Variants in TSPAN5 observed in about 807,000 individuals in gnomAD.
TSPAN5 encodes tetraspanin 5, also known as tetraspanin-5.
TSPAN5 carries 10 observed loss-of-function variants against 37.1 expected under a neutral mutation model. The observed-to-expected ratio is 0.27, with a 90% CI of 0.17 to 0.46. The LOEUF (loss-of-function observed/expected upper bound fraction) is 0.46. Ranked by LOEUF, TSPAN5 falls within the 20% of genes least tolerant of loss-of-function variation. The pLI, the probability that TSPAN5 is intolerant of heterozygous loss-of-function variation, is 1.00. For missense variants in TSPAN5, 195 were observed against 326.6 expected, an observed-to-expected ratio of 0.60 and a Z score of 3.11; for synonymous variants, 110 against 118.9, an observed-to-expected ratio of 0.93 and a Z score of 0.48.
intron 1 of TSPAN5, among the ~76,000 whole-genome samples, chr4:98,587,614 G>A (rs900086081): frequency 1.2e-4 from 18 of 152,204 alleles, no homozygotes; most frequent in African/African-American, 4.3e-4. Context: ...TGCTGGCCGG[G>A]CGCAGTGGCT....
chr4:98,647,587 A>G (rs1276609858), intron 1 of TSPAN5, among the ~76,000 whole-genome samples: 1 of 152,232 alleles, frequency 6.6e-6, no homozygotes, highest in Non-Finnish European at 1.5e-5. Context: ...TCTAATACTT[A>G]TCAAAATAGT....
intron 1 of TSPAN5, among the ~76,000 whole-genome samples, chr4:98,560,475 T>C (rs1578993106): frequency 6.6e-6 from 1 of 152,204 alleles, no homozygotes. Context: ...TTGAATGAGA[T>C]TGAAGAGACT....
intron 1 of TSPAN5, among the ~76,000 whole-genome samples, chr4:98,613,397 A>G (rs1756247381): frequency 6.6e-6 from 1 of 151,958 alleles, no homozygotes; most frequent in African/African-American, 2.4e-5. Context: ...TTATTGTAAT[A>G]AAACCTACCC....
At chr4:98,658,065 A>G in intron 1 of TSPAN5, 81 bp downstream of exon 1, 1 of 1,294,922 alleles carries the variant, frequency 7.7e-7, no homozygotes. Context: ...TGCGAAAAGT[A>G]AAGGCAACGA....
At chr4:98,570,704 A>T (rs1281056599) in intron 1 of TSPAN5, among the ~76,000 whole-genome samples, 1 of 152,168 alleles carries the variant, frequency 6.6e-6, no homozygotes, top group African/African-American at 2.4e-5. Context: ...GATGGACTCA[A>T]GAAAGTATCC....
intron 1 of TSPAN5, among the ~76,000 whole-genome samples, chr4:98,643,689 G>T (rs1427106514): frequency 1.3e-5 from 2 of 152,102 alleles, no homozygotes; most frequent in Non-Finnish European, 2.9e-5. Context: ...GAATATTAGG[G>T]ATTATTAATC....
rs1041837584 is a variant in TSPAN5, at chr4:98,562,499, A to G, written c.82-54771T>C. Among the ~76,000 whole-genome samples the G allele has an allele frequency of 1.3e-5, 2 of 152,126 alleles. 1 individual carries two copies. Among genetic ancestry groups the G allele is most frequent in the Admixed American group, 1.3e-4 (2 of 15,278 alleles). On this transcript the variant is annotated intron_variant, in intron 1 of 7. Coordinates refer to ENST00000305798, the MANE Select transcript of TSPAN5 (RefSeq NM_005723.4). Reference sequence around the variant, plus strand: ...AACATGGTGAAACCCCATCTCTACTAAAAATACAAAAATTAGTTGGGCGTG... The same window carrying G: ...AACATGGTGAAACCCCATCTCTACTGAAAATACAAAAATTAGTTGGGCGTG...
At chr4:98,497,330 A>G (rs1054294411) in intron 2 of TSPAN5, among the ~76,000 whole-genome samples, 1 of 151,554 alleles carries the variant, frequency 6.6e-6, no homozygotes, top group Admixed American at 6.6e-5. Flanking sequence ...AAAAAAAAAA[A>G]AAAAAGAAAA....
At chr4:98,549,292 GTTT>G (rs758599322) in intron 1 of TSPAN5, among the ~76,000 whole-genome samples, 13,033 of 146,362 alleles carry the variant, frequency 0.089, 1,091 homozygotes, top group African/African-American at 0.22. Context: ...TTGTTTGTTT[GTTT>G]GTTTTTGTTT....
chr4:98,604,523 G>T (rs1006232836), intron 1 of TSPAN5, among the ~76,000 whole-genome samples: 2 of 152,156 alleles, frequency 1.3e-5, no homozygotes, highest in South Asian at 4.1e-4. Flanking sequence ...TGTATTAATG[G>T]GAACAAGGCA....
chr4:98,561,119 T>C (rs913817764), intron 1 of TSPAN5, among the ~76,000 whole-genome samples: 7 of 152,178 alleles, frequency 4.6e-5, no homozygotes, highest in African/African-American at 1.7e-4. Context: ...GTGAGAGAAG[T>C]GGTAGGTGTC....
intron 1 of TSPAN5, among the ~76,000 whole-genome samples, chr4:98,631,391 C>T (rs1756743862): frequency 6.6e-6 from 1 of 152,194 alleles, no homozygotes; most frequent in African/African-American, 2.4e-5. Flanking sequence ...GCCTTCACTG[C>T]ACATGTTCCA....
At chr4:98,482,572 A>T (rs929042567) in intron 3 of TSPAN5, 3 of 161,988 alleles carry the variant, frequency 1.9e-5, no homozygotes, top group African/African-American at 7.2e-5. Context: ...AGATTATTCC[A>T]ATATTTTAAG....
intron 1 of TSPAN5, among the ~76,000 whole-genome samples, chr4:98,557,442 T>C (rs1192244679): frequency 2.0e-5 from 3 of 152,216 alleles, no homozygotes; most frequent in African/African-American, 4.8e-5. Context: ...GCTGTTTTTT[T>C]CCCTTAGGTA....
At chr4:98,575,448 C>A (rs1755212448) in intron 1 of TSPAN5, among the ~76,000 whole-genome samples, 1 of 150,788 alleles carries the variant, frequency 6.6e-6, no homozygotes, top group Admixed American at 6.6e-5. Flanking sequence ...CTAAGCTCTT[C>A]AATACACATA....
chr4:98,576,505 C>T (rs746571967), intron 1 of TSPAN5, among the ~76,000 whole-genome samples: 4 of 151,942 alleles, frequency 2.6e-5, no homozygotes, highest in African/African-American at 4.8e-5. Context: ...TTTGGGAGGT[C>T]GAGATGGGAG....
intron 1 of TSPAN5, among the ~76,000 whole-genome samples, chr4:98,532,970 T>G (rs1456687984): frequency 6.6e-6 from 1 of 152,244 alleles, no homozygotes; most frequent in Non-Finnish European, 1.5e-5. Flanking sequence ...TCACTGGTTC[T>G]GTTTATGTGA....
intron 7 of TSPAN5, 132 bp from the exon 8 acceptor site, chr4:98,472,719 T>C: frequency 1.4e-6 from 1 of 716,392 alleles, no homozygotes; most frequent in South Asian, 1.8e-5. Flanking sequence ...AAAGCATCCT[T>C]GAAATGTGTA....
intron 1 of TSPAN5, among the ~76,000 whole-genome samples, chr4:98,539,574 T>G (rs764202934): frequency 8.5e-5 from 13 of 152,184 alleles, no homozygotes; most frequent in African/African-American, 1.2e-4. Flanking sequence ...CTTTAGATTT[T>G]TTTTTTCCTG....
Sources: gnomAD v4.1 joint callset for allele counts (sites outside exome capture counted in the v4.1 genomes callset) on GRCh38, gnomAD v4.1.1 for gene constraint, MANE v1.5 for transcripts, NCBI Gene and HGNC (gene_info 2026-07-23, HGNC 2026-07-21) for gene names.